CHST11: variants seen among roughly 807,000 people sequenced by gnomAD.
The protein encoded by CHST11 is carbohydrate sulfotransferase 11.
Under a neutral mutation model 30.4 loss-of-function variants are expected in CHST11, and 9 were observed. That is an observed-to-expected ratio of 0.30 (90% CI 0.18 to 0.52). The LOEUF is 0.52. Among genes scored for constraint, CHST11 ranks in the 20% least tolerant of loss-of-function variants. The pLI is 0.97. For missense variants in CHST11, 348 were observed against 460.6 expected, an observed-to-expected ratio of 0.76 and a Z score of 2.24; for synonymous variants, 152 against 187.8, an observed-to-expected ratio of 0.81 and a Z score of 1.56.
chr12:104,702,457 A>G (rs2039996898), intron 2 of CHST11, among the ~76,000 whole-genome samples: 2 of 152,062 alleles, frequency 1.3e-5, no homozygotes, highest in South Asian at 4.2e-4. Context: ...TCCTGAACCC[A>G]TTCTGTGATG....
chr12:104,511,497 A>G (rs1447890430), intron 1 of CHST11, among the ~76,000 whole-genome samples: 2 of 152,226 alleles, frequency 1.3e-5, no homozygotes, highest in Non-Finnish European at 2.9e-5. Flanking sequence ...CAGCAAATGC[A>G]GTTGACAGTC....
chr12:104,569,509 A>G (rs1041848422), intron 1 of CHST11, among the ~76,000 whole-genome samples: 2 of 152,142 alleles, frequency 1.3e-5, no homozygotes, highest in African/African-American at 4.8e-5. Flanking sequence ...GTCTGAGTCC[A>G]TTTTGCATCT....
At chr12:104,592,204 T>G (rs1219294132) in intron 1 of CHST11, among the ~76,000 whole-genome samples, 2 of 151,468 alleles carry the variant, frequency 1.3e-5, no homozygotes, top group Non-Finnish European at 2.9e-5. Flanking sequence ...ATGCTCTCAG[T>G]GGGTGGGCAG....
Position 104,720,664 on chromosome 12 carries a change from G to A in CHST11, c.205-36285G>A, listed in dbSNP as rs557154298. On this transcript the variant is annotated intron_variant, in intron 2 of 2. Coordinates refer to ENST00000303694, the MANE Select transcript of CHST11 (RefSeq NM_018413.6). ...AAAAACCCACAGACGTTTGGCCTTT[G>A]AGGCAGAGGAACACCACGAGCTTTC... Among the ~76,000 whole-genome samples, 7 of 152,276 alleles carry A rather than the reference G, an allele frequency of 4.6e-5. No individual in the cohort carries two copies. In the East Asian group the frequency reaches 1.4e-3, roughly 29 times the overall value.
intron 2 of CHST11, among the ~76,000 whole-genome samples, chr12:104,663,169 G>C (rs1467432188): frequency 6.6e-6 from 1 of 152,226 alleles, no homozygotes; most frequent in East Asian, 1.9e-4. Flanking sequence ...TCCTTCCAGA[G>C]GCCTGGGCGA....
At chr12:104,558,831 A>T (rs1284795056) in intron 1 of CHST11, among the ~76,000 whole-genome samples, 1 of 151,720 alleles carries the variant, frequency 6.6e-6, no homozygotes, top group African/African-American at 2.4e-5. Flanking sequence ...GAGTCACCGC[A>T]CCTGGCCTAG....
chr12:104,583,713 A>ATC (rs1344841571), intron 1 of CHST11, among the ~76,000 whole-genome samples: 3 of 58,536 alleles, frequency 5.1e-5, no homozygotes, highest in Non-Finnish European at 9.4e-5. Flanking sequence ...GTTTTCAAAG[A>ATC]TCTCTCTCTT....
chr12:104,516,104 A>G (rs1025466091), intron 1 of CHST11, among the ~76,000 whole-genome samples: 2 of 152,220 alleles, frequency 1.3e-5, no homozygotes, highest in East Asian at 1.9e-4. Flanking sequence ...CAGTATTGAC[A>G]TTTAGGGCTG....
At chr12:104,725,324 C>T (rs11112176) in intron 2 of CHST11, among the ~76,000 whole-genome samples, 7,593 of 152,120 alleles carry the variant, frequency 0.05, 658 homozygotes, top group East Asian at 0.34. Flanking sequence ...AGCCTGAGGC[C>T]GTGGTGCCGA....
At chr12:104,749,910 A>G (rs1199863247) in intron 2 of CHST11, among the ~76,000 whole-genome samples, 2 of 152,158 alleles carry the variant, frequency 1.3e-5, no homozygotes, top group Non-Finnish European at 2.9e-5. Context: ...CACAGATAGA[A>G]CCCCCAGGAG....
intron 1 of CHST11, among the ~76,000 whole-genome samples, chr12:104,457,878 C>T (rs2037369996): frequency 6.6e-6 from 1 of 151,004 alleles, no homozygotes; most frequent in Admixed American, 6.6e-5. Flanking sequence ...GTGTGGGAAG[C>T]AACCGGGGGT....
intron 2 of CHST11, among the ~76,000 whole-genome samples, chr12:104,688,552 C>T (rs1023727529): frequency 1.3e-5 from 2 of 152,192 alleles, no homozygotes; most frequent in African/African-American, 4.8e-5. Flanking sequence ...TTGCTAGAAA[C>T]ATAAATTAAT....
intron 2 of CHST11, among the ~76,000 whole-genome samples, chr12:104,682,679 T>C (rs1444876779): frequency 6.6e-6 from 1 of 152,238 alleles, no homozygotes; most frequent in East Asian, 1.9e-4. Context: ...AGACTAGAGA[T>C]AGCAATGGTA....
At chr12:104,467,509 G>A (rs2037470861) in intron 1 of CHST11, among the ~76,000 whole-genome samples, 1 of 152,196 alleles carries the variant, frequency 6.6e-6, no homozygotes, top group African/African-American at 2.4e-5. Context: ...TCTAGCGGTG[G>A]TGGAGGCTTA....
intron 1 of CHST11, among the ~76,000 whole-genome samples, chr12:104,527,586 A>G (rs1449854897): frequency 3.3e-5 from 5 of 152,210 alleles, no homozygotes; most frequent in Non-Finnish European, 7.3e-5. Flanking sequence ...CCTTGAGGGC[A>G]GAGACAGCAC....
At chr12:104,572,777 T>C (rs553655592) in intron 1 of CHST11, among the ~76,000 whole-genome samples, 4 of 152,250 alleles carry the variant, frequency 2.6e-5, no homozygotes, top group Non-Finnish European at 4.4e-5. Flanking sequence ...GTGTTTGCTC[T>C]TGCTTCTCTA....
intron 2 of CHST11, among the ~76,000 whole-genome samples, chr12:104,719,091 G>T (rs543705923): frequency 1.3e-5 from 2 of 152,256 alleles, no homozygotes; most frequent in Admixed American, 1.3e-4. Flanking sequence ...TCTCTTGCTG[G>T]GTGAGGGCTG....
chr12:104,533,854 G>A (rs1041170363), intron 1 of CHST11, among the ~76,000 whole-genome samples: 1 of 152,204 alleles, frequency 6.6e-6, no homozygotes, highest in Admixed American at 6.5e-5. Flanking sequence ...AGCTTTTCTG[G>A]ATAAGTCTTT....
intron 2 of CHST11, among the ~76,000 whole-genome samples, chr12:104,693,348 C>G (rs2039915417): frequency 6.6e-6 from 1 of 152,322 alleles, no homozygotes; most frequent in Middle Eastern, 3.4e-3. Context: ...AACCCAGAGG[C>G]CATGCTCTTA....
Sources: gnomAD v4.1 joint callset for allele counts (sites outside exome capture counted in the v4.1 genomes callset) on GRCh38, gnomAD v4.1.1 for gene constraint, MANE v1.5 for transcripts, NCBI Gene and HGNC (gene_info 2026-07-23, HGNC 2026-07-21) for gene names.